The following RFLNA variants were observed in gnomAD, a reference collection of about 807,000 sequenced individuals.
RFLNA encodes refilin A, also known as refilin-A.
In RFLNA, 5 loss-of-function variants were observed where a neutral mutation model predicts 7.8. The observed-to-expected ratio is 0.64, with a 90% CI of 0.34 to 1.35. The LOEUF is 1.35. Ranked by LOEUF, RFLNA falls within the 40% of genes most tolerant of loss-of-function variation. RFLNA has a pLI of 0.04. For synonymous variants in RFLNA, 141 were observed against 131.3 expected (o/e 1.07, Z -0.50); for missense variants, 278 against 305.5 (o/e 0.91, Z 0.67).
upstream of RFLNA, among the ~76,000 whole-genome samples, chr12:124,293,069 G>A (rs1258798962): frequency 4.6e-5 from 7 of 151,996 alleles, no homozygotes; most frequent in Admixed American, 3.9e-4. Flanking sequence ...GATTACAGGC[G>A]CCCGCCACCA....
chr12:124,290,417 T>C (rs1170013605), upstream of RFLNA, among the ~76,000 whole-genome samples: 1 of 152,234 alleles, frequency 6.6e-6, no homozygotes, highest in African/African-American at 2.4e-5. This position sits in a 1 kb window ranked among gnomAD's most constrained non-coding sequence, Gnocchi z 4.0. Context: ...TATATGTAGG[T>C]ACATGTGTGT....
intron 1 of RFLNA, among the ~76,000 whole-genome samples, chr12:124,307,034 C>T (rs1362972025): frequency 6.6e-6 from 1 of 152,164 alleles, no homozygotes. Flanking sequence ...CCAGCTATCC[C>T]CTCTTCAGCC....
chr12:124,314,829 G>GGTC lies in RFLNA; in HGVS notation c.*304_*305insGTC. 1.7e-6 allele frequency: 1 copy of GGTC among 594,426 alleles called. No individual in the cohort carries two copies. The highest frequency in any genetic ancestry group is 3.2e-6 in the Non-Finnish European group (1 of 316,436). The allele number at this position is 594,426 out of a possible 1,614,324, so 36.8% of individuals were successfully genotyped here. On this transcript the variant is annotated 3_prime_UTR_variant, in exon 3 of 3. Coordinates refer to ENST00000546355, the MANE Select transcript of RFLNA (RefSeq NM_001365156.1). ...GGCCACCCCCAGGGTCAGGGGAAAAGAATGGGTCCATGGAGTGCCCTTGAA... is the reference window on the plus strand; with the variant it reads ...GGCCACCCCCAGGGTCAGGGGAAAAGGTCAATGGGTCCATGGAGTGCCCTTGAA...
At chr12:124,308,460 C>CG (rs113862905) in intron 1 of RFLNA, among the ~76,000 whole-genome samples, 6,324 of 152,282 alleles carry the variant, frequency 0.042, 390 homozygotes, top group African/African-American at 0.13. Flanking sequence ...ACCCACACTG[C>CG]CCTTGTCCTT....
chr12:124,294,851 T>G (rs1393135031), upstream of RFLNA, among the ~76,000 whole-genome samples: 2 of 152,256 alleles, frequency 1.3e-5, no homozygotes, highest in African/African-American at 2.4e-5. Context: ...CTCGTATGTC[T>G]TGGGATGACT....
chr12:124,314,612 A>G lies in RFLNA; in HGVS notation c.*87A>G. Reference sequence around the variant, plus strand: ...ATGGACACGATGAGCTCGGCCTGGCACTCGGGCAGGAGGCGGGAAGGGAGG... The same window carrying G: ...ATGGACACGATGAGCTCGGCCTGGCGCTCGGGCAGGAGGCGGGAAGGGAGG... On this transcript the variant is annotated 3_prime_UTR_variant, in exon 3 of 3. Coordinates refer to ENST00000546355, the MANE Select transcript of RFLNA (RefSeq NM_001365156.1). The G allele has an allele frequency of 2.6e-6, 4 of 1,532,410 alleles. No individual in the cohort carries two copies. Among genetic ancestry groups the G allele is most frequent in the Non-Finnish European group, 2.6e-6 (3 of 1,144,138 alleles). 94.9% of individuals were successfully genotyped at this position (1,532,410 alleles called of 1,614,324 possible). A position where few individuals can be genotyped will look rare whatever the true frequency, so the allele number is the denominator to read the frequency against.
At chr12:124,304,494 A>G (rs2034104125) in intron 1 of RFLNA, among the ~76,000 whole-genome samples, 1 of 152,178 alleles carries the variant, frequency 6.6e-6, no homozygotes, top group Non-Finnish European at 1.5e-5. Flanking sequence ...GGGGAGCGGG[A>G]CCGGGCGGAA....
upstream of RFLNA, among the ~76,000 whole-genome samples, chr12:124,294,959 G>A (rs1190822366): frequency 6.6e-6 from 1 of 152,296 alleles, no homozygotes; most frequent in East Asian, 1.9e-4. Context: ...CTGGCTGGGC[G>A]CGCAGTGCCC....
upstream of RFLNA, among the ~76,000 whole-genome samples, chr12:124,290,857 A>G (rs1377033682): frequency 6.6e-6 from 1 of 152,236 alleles, no homozygotes; most frequent in Non-Finnish European, 1.5e-5. The surrounding 1 kb of genome is among the most constrained non-coding windows in gnomAD (Gnocchi z 4.0). Flanking sequence ...GAGGCACAGA[A>G]AGGGCAGGCC....
At chr12:124,310,073 T>G (rs1358828571) in intron 1 of RFLNA, among the ~76,000 whole-genome samples, 1 of 145,652 alleles carries the variant, frequency 6.9e-6, no homozygotes, top group African/African-American at 2.6e-5. Context: ...TGTGGGAGGC[T>G]GGGGTGGAAG....
intron 1 of RFLNA, among the ~76,000 whole-genome samples, chr12:124,300,897 T>C (rs868180386): frequency 2.6e-4 from 38 of 148,894 alleles, no homozygotes; most frequent in African/African-American, 8.2e-4. Context: ...AATAGAAGGA[T>C]GGATGGATGG....
At chr12:124,296,104 CTT>C (rs374150767) in intron 1 of RFLNA, among the ~76,000 whole-genome samples, 4 of 5,014 alleles carry the variant, frequency 8.0e-4, no homozygotes, top group South Asian at 0.038. Flanking sequence ...TTCTTTCTTT[CTT>C]TCTTTCTTTC....
Position 124,306,825 on chromosome 12 carries a change from G to A in RFLNA, c.208-4993G>A, listed in dbSNP as rs1455088286. On this transcript the variant is annotated intron_variant, in intron 1 of 2. Transcript: ENST00000546355. This position sits in a 1 kb window ranked among gnomAD's most constrained non-coding sequence, Gnocchi z 5.2. Reference sequence around the variant, plus strand: ...GGCGGCGGGGAGGGGACAGATGTAGGAGATATCAAGCTAGGTCCCTGCAGG... The same window carrying A: ...GGCGGCGGGGAGGGGACAGATGTAGAAGATATCAAGCTAGGTCCCTGCAGG... 6.6e-6 allele frequency among the ~76,000 whole-genome samples: 1 copy of A among 152,128 alleles called. No individual in the cohort carries two copies. The highest frequency in any genetic ancestry group is 1.5e-5 in the Non-Finnish European group (1 of 68,018).
rs1206464627 is a variant in RFLNA, at chr12:124,296,124, C to CTTTCTTTCTTTCTTTCTTTG, written c.207+489_207+490insTTCTTTCTTTCTTTCTTTGT. On this transcript the variant is annotated intron_variant, in intron 1 of 2. Transcript: ENST00000546355. ...TCTTTCTTTCTTTCTTTCTTTCTTTCTCTCTCTCTCTCTCTTCTTCTCTTC... is the reference window on the plus strand; with the variant it reads ...TCTTTCTTTCTTTCTTTCTTTCTTTCTTTCTTTCTTTCTTTCTTTGTCTCTCTCTCTCTCTTCTTCTCTTC... Among the ~76,000 whole-genome samples the CTTTCTTTCTTTCTTTCTTTG allele has an allele frequency of 8.6e-4, 2 of 2,334 alleles. 1 individual carries two copies. Among genetic ancestry groups the CTTTCTTTCTTTCTTTCTTTG allele is most frequent in the African/African-American group, 1.1e-3 (2 of 1,772 alleles). 1.5% of individuals were successfully genotyped at this position (2,334 alleles called of 152,430 possible). A position where few individuals can be genotyped will look rare whatever the true frequency, so the allele number is the denominator to read the frequency against.
Position 124,311,936 on chromosome 12 carries a change from GC to G in RFLNA, c.317+11del. 1 of 1,520,022 alleles carries G rather than the reference GC, an allele frequency of 6.6e-7. No homozygotes were observed. The highest frequency in any genetic ancestry group is 1.2e-5 in the South Asian group (1 of 83,480). 94.2% of individuals were successfully genotyped at this position (1,520,022 alleles called of 1,614,324 possible). ...CCCACGCATGAGATCCGGTGAGTGG[GC>G]CACTGGGCTCTGCGCGGGAGGAGGG... On this transcript the variant is annotated intron_variant, in intron 2 of 2. Transcript: ENST00000546355.
intron 1 of RFLNA, among the ~76,000 whole-genome samples, chr12:124,310,175 A>AAAAAAAAAAAAAAAAAAAAAAAAAC: frequency 8.0e-6 from 1 of 125,752 alleles, no homozygotes; most frequent in Admixed American, 7.8e-5. Flanking sequence ...TCTGTCTCAA[A>AAAAAAAAAAAAAAAAAAAAAAAAAC]AAAAAAAAAA....
Position 124,295,211 on chromosome 12 carries a change from G to A in RFLNA, c.-219G>A, listed in dbSNP as rs924420. Reference sequence around the variant, plus strand: ...AGCCGCGGAGGGCGGAGGGCGGAGGGCGGCGGCGCTGGCAGGAGCGCGGCC... The same window carrying A: ...AGCCGCGGAGGGCGGAGGGCGGAGGACGGCGGCGCTGGCAGGAGCGCGGCC... On this transcript the variant is annotated 5_prime_UTR_variant, in exon 1 of 3. Coordinates refer to ENST00000546355, the MANE Select transcript of RFLNA (RefSeq NM_001365156.1). The A allele has an allele frequency of 4.7e-5, 7 of 148,982 alleles. No homozygotes were observed. The highest frequency in any genetic ancestry group is 1.5e-4 in the African/African-American group (6 of 41,052). 9.2% of individuals were successfully genotyped at this position (148,982 alleles called of 1,614,324 possible).
chr12:124,307,994 T>C (rs1380724468), intron 1 of RFLNA, among the ~76,000 whole-genome samples: 2 of 151,480 alleles, frequency 1.3e-5, no homozygotes, highest in African/African-American at 4.9e-5. Context: ...TTTTTTTTTT[T>C]TTTTTGAGAC....
At chr12:124,309,459 G>C (rs1426795352) in intron 1 of RFLNA, among the ~76,000 whole-genome samples, 1 of 152,236 alleles carries the variant, frequency 6.6e-6, no homozygotes, top group Admixed American at 6.5e-5. Context: ...GTGGCGCGCA[G>C]TGGGTGAGCT....
Sources: gnomAD v4.1 joint callset for allele counts (sites outside exome capture counted in the v4.1 genomes callset) on GRCh38, gnomAD v4.1.1 for gene constraint, Gnocchi (gnomAD v3.1) non-coding constraint, MANE v1.5 for transcripts, NCBI Gene and HGNC (gene_info 2026-07-23, HGNC 2026-07-21) for gene names.